Variants in GRM5 observed in about 807,000 individuals in gnomAD.
GRM5 encodes metabotropic glutamate receptor 5.
A neutral mutation model predicts 83.1 loss-of-function variants in GRM5; 19 were observed. The observed-to-expected ratio is 0.23, with a 90% CI of 0.16 to 0.34. The LOEUF is 0.34. Ranked by LOEUF, GRM5 falls within the 10% of genes least tolerant of loss-of-function variation. The probability of loss-of-function intolerance (pLI) is 1.00; values close to 1 mark genes in which losing one functional copy is unlikely to be tolerated. For synonymous variants in GRM5, 675 were observed against 633.6 expected, an observed-to-expected ratio of 1.07 and a Z score of -0.98; for missense variants, 1,160 against 1,588.3, an observed-to-expected ratio of 0.73 and a Z score of 4.58.
intron 3 of GRM5, among the ~76,000 whole-genome samples, chr11:88,767,722 G>C (rs1942650452): frequency 6.6e-6 from 1 of 151,636 alleles, no homozygotes; most frequent in African/African-American, 2.4e-5. Flanking sequence ...ATACCTATTG[G>C]ATCCTATGCT....
chr11:88,732,890 G>A (rs1941835612), intron 3 of GRM5, among the ~76,000 whole-genome samples: 1 of 151,958 alleles, frequency 6.6e-6, no homozygotes, highest in Admixed American at 6.6e-5. Context: ...AGGACTGAGT[G>A]GCAGGGATAG....
chr11:88,814,171 A>G (rs1206757519), intron 3 of GRM5, among the ~76,000 whole-genome samples: 1 of 152,204 alleles, frequency 6.6e-6, no homozygotes, highest in African/African-American at 2.4e-5. Flanking sequence ...ATATTGAACA[A>G]TGTAGGAGAG....
intron 3 of GRM5, among the ~76,000 whole-genome samples, chr11:88,662,660 TA>T (rs957960499): frequency 3.3e-5 from 5 of 151,908 alleles, no homozygotes; most frequent in African/African-American, 4.8e-5. Flanking sequence ...ATTTCTGATT[TA>T]AAAAAAAGAT....
intron 8 of GRM5, among the ~76,000 whole-genome samples, chr11:88,539,091 G>A (rs773603955): frequency 2.0e-5 from 3 of 152,102 alleles, no homozygotes; most frequent in Non-Finnish European, 4.4e-5. Context: ...TACTAACTTT[G>A]ATTAAAATTT....
chr11:88,929,675 A>C (rs1937644464), intron 2 of GRM5, among the ~76,000 whole-genome samples: 1 of 152,084 alleles, frequency 6.6e-6, no homozygotes. Context: ...GAGACCCCCA[A>C]ATTCTTCATT....
At chr11:88,563,451 G>C (rs962021423) in intron 8 of GRM5, among the ~76,000 whole-genome samples, 1 of 152,072 alleles carries the variant, frequency 6.6e-6, no homozygotes, top group African/African-American at 2.4e-5. Flanking sequence ...TTAAGATAGA[G>C]AGCCCTTACC....
intron 8 of GRM5, among the ~76,000 whole-genome samples, chr11:88,559,376 G>A (rs988102839): frequency 6.6e-6 from 1 of 152,136 alleles, no homozygotes; most frequent in Non-Finnish European, 1.5e-5. Flanking sequence ...CAGCTTAAAG[G>A]TTACCTGAGT....
chr11:88,749,629 GAC>G (rs767719623), intron 3 of GRM5, among the ~76,000 whole-genome samples: 5 of 152,028 alleles, frequency 3.3e-5, no homozygotes, highest in Non-Finnish European at 7.4e-5. Flanking sequence ...TCAAGCCATA[GAC>G]ACATAATCAT....
At chr11:88,957,152 G>C (rs1938642789) in intron 2 of GRM5, among the ~76,000 whole-genome samples, 1 of 152,182 alleles carries the variant, frequency 6.6e-6, no homozygotes, top group South Asian at 2.1e-4. Context: ...GAGGATTGTT[G>C]AAAGACTTGA....
At chr11:88,821,027 T>C (rs1404619138) in intron 3 of GRM5, among the ~76,000 whole-genome samples, 2 of 152,128 alleles carry the variant, frequency 1.3e-5, no homozygotes, top group Non-Finnish European at 2.9e-5. Flanking sequence ...ATGGAGGGTG[T>C]TGCCTACAGA....
At chr11:88,535,979 C>T (rs771102553) in intron 8 of GRM5, among the ~76,000 whole-genome samples, 2 of 152,150 alleles carry the variant, frequency 1.3e-5, no homozygotes, top group Non-Finnish European at 2.9e-5. Flanking sequence ...ATTATTTTCT[C>T]AATAATCCAC....
At chr11:88,516,946 A>T (rs1337744296) in intron 9 of GRM5, among the ~76,000 whole-genome samples, 1 of 152,072 alleles carries the variant, frequency 6.6e-6, no homozygotes, top group Non-Finnish European at 1.5e-5. Context: ...TTAATTGGGT[A>T]GGTTAATTAA....
rs532962715 is a variant in GRM5 at position 88,664,545 on chromosome 11, C to T, written c.912-11142G>A. 1.2e-3 allele frequency among the ~76,000 whole-genome samples: 187 copies of T among 152,180 alleles called. 2 individuals are homozygous for T. Among genetic ancestry groups the T allele is most frequent in the African/African-American group, 4.4e-3 (184 of 41,522 alleles). On this transcript the variant is annotated intron_variant, in intron 3 of 9. Coordinates refer to ENST00000305447, the MANE Select transcript of GRM5 (RefSeq NM_001143831.3). ...CACTGCAACTTCCGCCTCCTGGGTTCAAGCAATTCTCCTGCCTCAGCCTCC... is the reference window on the plus strand; with the variant it reads ...CACTGCAACTTCCGCCTCCTGGGTTTAAGCAATTCTCCTGCCTCAGCCTCC...
chr11:88,509,278 C>T lies in GRM5; in HGVS notation c.2953G>A (p.Ala985Thr). 1.4e-6 allele frequency: 2 copies of T among 1,465,696 alleles called. No homozygotes were observed. Among genetic ancestry groups the T allele is most frequent in the South Asian group, 1.3e-5 (1 of 74,564 alleles). The allele number at this position is 1,465,696 out of a possible 1,614,324, so 90.8% of individuals were successfully genotyped here. ...GATGGAGCAG[A>T]GPGGPESPDA... ...GGGGACTCGGGCCCGCCTGGGCCGG[C>T]GCCTGCGCAGCCCGCACCGCCCGTG... is the stretch of plus-strand genomic sequence containing the variant. Residue 985 changes from alanine to threonine, a missense_variant, in exon 10 of 10, where the codon GCC becomes ACC. Transcript: ENST00000305447.
chr11:88,541,638 C>A (rs755653506), intron 8 of GRM5, among the ~76,000 whole-genome samples: 8 of 152,142 alleles, frequency 5.3e-5, no homozygotes, highest in Non-Finnish European at 7.3e-5. Flanking sequence ...CTCAGCAATA[C>A]CACTTACTAG....
rs146013147 is a variant in GRM5, at chr11:88,532,516, G to A, written c.2631-7112C>T. On this transcript the variant is annotated intron_variant, in intron 8 of 9. Transcript: ENST00000305447. ...GGCAGAGTTTTAGGACTAAGCTTGA[G>A]CATAAACATGGAAGTGCAGAGACTT... 1.5e-3 allele frequency among the ~76,000 whole-genome samples: 233 copies of A among 152,234 alleles called. 1 individual carries two copies. Among genetic ancestry groups the A allele is most frequent in the African/African-American group, 4.4e-3 (182 of 41,558 alleles).
intron 2 of GRM5, among the ~76,000 whole-genome samples, chr11:89,021,691 T>G (rs1325158659): frequency 2.6e-5 from 4 of 152,164 alleles, no homozygotes; most frequent in African/African-American, 7.2e-5. Flanking sequence ...GAAATGCAAT[T>G]TTTAGAATTG....
intron 2 of GRM5, among the ~76,000 whole-genome samples, chr11:88,953,481 G>A (rs1034225451): frequency 1.3e-5 from 2 of 152,148 alleles, no homozygotes; most frequent in African/African-American, 4.8e-5. Flanking sequence ...GGTACACGAA[G>A]CAGAAATGTA....
Position 88,746,570 on chromosome 11 carries a change from C to CAAA in GRM5, c.912-93170_912-93168dup, listed in dbSNP as rs11302390. Among the ~76,000 whole-genome samples, 155 of 147,608 alleles carry CAAA rather than the reference C, an allele frequency of 1.1e-3. 1 individual carries two copies. The East Asian group carries it at 0.011, about 10-fold the overall frequency. ...AATTTGGCCTCAATGATTCTGGAGA[C>CAAA]AAAAAAAAAAAAATAAGCTTAAGCC... On this transcript the variant is annotated intron_variant, in intron 3 of 9. Coordinates refer to ENST00000305447, the MANE Select transcript of GRM5 (RefSeq NM_001143831.3).
Sources: allele counts gnomAD v4.1 joint callset (sites outside exome capture counted in the v4.1 genomes callset), GRCh38; gene constraint gnomAD v4.1.1; transcripts MANE v1.5; gene names NCBI Gene and HGNC (gene_info 2026-07-23, HGNC 2026-07-21).